The following SGCZ variants were observed in gnomAD, a reference collection of about 807,000 sequenced individuals.
SGCZ encodes zeta-sarcoglycan.
Under a neutral mutation model 41.3 loss-of-function variants are expected in SGCZ, and 40 were observed. The observed-to-expected ratio is 0.97, with a 90% confidence interval of 0.75 to 1.26. The LOEUF (loss-of-function observed/expected upper bound fraction) is 1.26. SGCZ is among the 50% of genes most tolerant of loss of function. The pLI, the probability that SGCZ is intolerant of heterozygous loss-of-function variation, is 0.00. For synonymous variants in SGCZ, 206 were observed against 137.5 expected (o/e 1.50, Z -3.49); for missense variants, 552 against 369.8 (o/e 1.49, Z -4.04).
At chr8:14,851,198 T>C (rs1300622572) in intron 1 of SGCZ, among the ~76,000 whole-genome samples, 1 of 151,428 alleles carries the variant, frequency 6.6e-6, no homozygotes, top group African/African-American at 2.4e-5. Flanking sequence ...TGAAACGCTG[T>C]CTTTACTAAA....
At chr8:14,309,031 A>AC (rs1330697194) in intron 3 of SGCZ, 4 of 1,239,534 alleles carry the variant, frequency 3.2e-6, no homozygotes, top group Non-Finnish European at 4.5e-6. Flanking sequence ...AGAAAATGAA[A>AC]CCGGAAGCCT....
At chr8:15,064,971 T>C (rs1231976315) in intron 1 of SGCZ, among the ~76,000 whole-genome samples, 1 of 152,142 alleles carries the variant, frequency 6.6e-6, no homozygotes, top group Non-Finnish European at 1.5e-5. Context: ...TCCTGTGTCA[T>C]TTCCAGAGCC....
intron 1 of SGCZ, among the ~76,000 whole-genome samples, chr8:14,880,177 C>T (rs1804534527): frequency 6.6e-6 from 1 of 152,076 alleles, no homozygotes; most frequent in Admixed American, 6.6e-5. Context: ...TTAATTTGCT[C>T]CTGTATGGCA....
chr8:14,587,442 C>T (rs997819936), intron 1 of SGCZ, among the ~76,000 whole-genome samples: 3 of 150,936 alleles, frequency 2.0e-5, no homozygotes, highest in Non-Finnish European at 4.4e-5. Flanking sequence ...GAGACGAAGG[C>T]AGGAATATGG....
At chr8:14,787,854 A>G (rs1010910903) in intron 1 of SGCZ, among the ~76,000 whole-genome samples, 2 of 152,192 alleles carry the variant, frequency 1.3e-5, no homozygotes, top group African/African-American at 4.8e-5. Flanking sequence ...TTCAAAAAAA[A>G]AAGGAATATT....
intron 3 of SGCZ, among the ~76,000 whole-genome samples, chr8:14,302,271 G>A (rs1801217999): frequency 6.6e-6 from 1 of 151,966 alleles, no homozygotes; most frequent in African/African-American, 2.4e-5. Context: ...CAAAAACACT[G>A]GATATTTGAA....
intron 1 of SGCZ, among the ~76,000 whole-genome samples, chr8:15,098,322 T>C (rs995707514): frequency 6.6e-6 from 1 of 152,198 alleles, no homozygotes; most frequent in African/African-American, 2.4e-5. Flanking sequence ...TGTTCACCTC[T>C]TTGGTAATTA....
intron 1 of SGCZ, among the ~76,000 whole-genome samples, chr8:14,808,335 G>A (rs1266078772): frequency 6.6e-6 from 1 of 152,074 alleles, no homozygotes; most frequent in Non-Finnish European, 1.5e-5. Context: ...CTACTCATCT[G>A]ACAAAGGGCT....
At chr8:15,127,070 T>G (rs530250913) in intron 1 of SGCZ, among the ~76,000 whole-genome samples, 1 of 152,232 alleles carries the variant, frequency 6.6e-6, no homozygotes, top group Non-Finnish European at 1.5e-5. Context: ...AGGATGACAC[T>G]TCACTTTAAG....
chr8:14,111,302 A>T (rs1382150), intron 5 of SGCZ, among the ~76,000 whole-genome samples: 1 of 152,102 alleles, frequency 6.6e-6, no homozygotes, highest in Non-Finnish European at 1.5e-5. Flanking sequence ...AATTAGTAAG[A>T]CATCATATAC....
chr8:14,727,063 C>A (rs530475203), intron 1 of SGCZ, among the ~76,000 whole-genome samples: 2 of 151,608 alleles, frequency 1.3e-5, no homozygotes, highest in African/African-American at 4.9e-5. Flanking sequence ...TAAGCTTATC[C>A]GGCAAAAGAC....
At chr8:14,090,780 C>T (rs1256387163) in intron 7 of SGCZ, 143 bp from the exon 8 acceptor site, 1 of 708,810 alleles carries the variant, frequency 1.4e-6, no homozygotes, top group South Asian at 2.0e-5. Flanking sequence ...GTTGAACAAA[C>T]AAATTACATT....
At chr8:14,201,207 T>C (rs1021775666) in intron 4 of SGCZ, among the ~76,000 whole-genome samples, 1 of 152,116 alleles carries the variant, frequency 6.6e-6, no homozygotes, top group Non-Finnish European at 1.5e-5. Context: ...CTGAATAACA[T>C]TTTGAAATGT....
Position 14,101,094 on chromosome 8 carries a change from A to C in SGCZ, c.744+1282T>G, listed in dbSNP as rs919698204. On this transcript the variant is annotated intron_variant, in intron 7 of 7. Coordinates refer to ENST00000382080, the MANE Select transcript of SGCZ (RefSeq NM_139167.4). ...AAGGTAGAATTAAAAATGAACTGGC[A>C]TGAAAGCATCTGCCAAGATGTCCAG... is the stretch of plus-strand genomic sequence containing the variant. Among the ~76,000 whole-genome samples the C allele has an allele frequency of 2.0e-5, 3 of 152,284 alleles. No homozygotes were observed. The East Asian group carries it at 5.8e-4, about 29-fold the overall frequency.
intron 2 of SGCZ, among the ~76,000 whole-genome samples, chr8:14,447,132 G>C (rs767518762): frequency 3.9e-5 from 6 of 152,000 alleles, no homozygotes; most frequent in Non-Finnish European, 8.8e-5. Context: ...TTCTACAATA[G>C]GCCAAACAAT....
intron 2 of SGCZ, among the ~76,000 whole-genome samples, chr8:14,541,908 T>G (rs769311545): frequency 1.3e-5 from 2 of 152,194 alleles, no homozygotes; most frequent in Non-Finnish European, 2.9e-5. Flanking sequence ...TCCATATGTT[T>G]GTTGGCCACA....
At chr8:14,679,207 T>C (rs1808365855) in intron 1 of SGCZ, among the ~76,000 whole-genome samples, 1 of 152,146 alleles carries the variant, frequency 6.6e-6, no homozygotes, top group Non-Finnish European at 1.5e-5. Flanking sequence ...TAAAATGACT[T>C]ACTGGTTCAT....
chr8:14,474,065 A>C (rs993577288), intron 2 of SGCZ, among the ~76,000 whole-genome samples: 111 of 152,256 alleles, frequency 7.3e-4, no homozygotes, highest in African/African-American at 2.6e-3. Context: ...GTTATAGGGG[A>C]AAGAAGAAGT....
chr8:14,591,427 C>T (rs1189424767), intron 1 of SGCZ, among the ~76,000 whole-genome samples: 1 of 151,886 alleles, frequency 6.6e-6, no homozygotes, highest in African/African-American at 2.4e-5. Flanking sequence ...CCTAGATTTG[C>T]TAATAGTTGA....
Sources: allele counts gnomAD v4.1 joint callset (sites outside exome capture counted in the v4.1 genomes callset), GRCh38; gene constraint gnomAD v4.1.1; transcripts MANE v1.5; gene names NCBI Gene and HGNC (gene_info 2026-07-23, HGNC 2026-07-21).